The following WWOX variants were observed in gnomAD, a reference collection of about 807,000 sequenced individuals.
WWOX encodes WW domain containing oxidoreductase, also known as WW domain-containing oxidoreductase.
Under a neutral mutation model 46.2 loss-of-function variants are expected in WWOX, and 69 were observed. The ratio of observed to expected loss-of-function variants is 1.49; its 90% confidence interval spans 1.23 to 1.82. WWOX has a LOEUF of 1.82. Among genes scored for constraint, WWOX ranks in the 40% most tolerant of loss-of-function variants. WWOX has a pLI of 0.00. For synonymous variants in WWOX, 359 were observed against 202.6 expected (o/e 1.77, Z -6.56); for missense variants, 919 against 542.6 (o/e 1.69, Z -6.89).
intron 4 of WWOX, among the ~76,000 whole-genome samples, chr16:78,135,719 A>G (rs2033767826): frequency 6.6e-6 from 1 of 152,212 alleles, no homozygotes; most frequent in East Asian, 1.9e-4. Flanking sequence ...AAACAACAAA[A>G]AAAACACCTT....
Position 78,774,282 on chromosome 16 carries a change from T to A in WWOX, c.1056+341530T>A, listed in dbSNP as rs59993584. 3.0e-3 allele frequency among the ~76,000 whole-genome samples: 450 copies of A among 152,224 alleles called. 2 individuals are homozygous for A. The highest frequency in any genetic ancestry group is 9.7e-3 in the African/African-American group (403 of 41,524). ...TGGGCGTGGTAGCAGGCGCCTGTAA[T>A]CCCAGCTACTCAGGAGGCTGAAAAA... On this transcript the variant is annotated intron_variant, in intron 8 of 8. Transcript: ENST00000566780.
At chr16:78,839,259 C>T (rs2052073588) in intron 8 of WWOX, among the ~76,000 whole-genome samples, 1 of 152,134 alleles carries the variant, frequency 6.6e-6, no homozygotes, top group East Asian at 1.9e-4. Context: ...ATTTTCTCTT[C>T]CTCCCTTCCA....
intron 8 of WWOX, among the ~76,000 whole-genome samples, chr16:78,926,842 G>A (rs533021841): frequency 2.0e-5 from 3 of 152,226 alleles, no homozygotes; most frequent in African/African-American, 7.2e-5. Context: ...TGTCACCCAG[G>A]CTGGAGTACA....
intron 5 of WWOX, among the ~76,000 whole-genome samples, chr16:78,201,964 G>A (rs966345936): frequency 6.6e-5 from 10 of 152,086 alleles, no homozygotes; most frequent in African/African-American, 2.2e-4. Context: ...GCCTCCCAAA[G>A]TGTAATCCTG....
At chr16:79,019,188 A>AAAAAAAAAAAAAAAG (rs2047480961) in intron 8 of WWOX, among the ~76,000 whole-genome samples, 2 of 60,918 alleles carry the variant, frequency 3.3e-5, no homozygotes, top group African/African-American at 6.0e-5. Flanking sequence ...AAAAAAAAGA[A>AAAAAAAAAAAAAAAG]AAAAAAAAGT....
chr16:78,317,740 C>A (rs1021521647), intron 5 of WWOX, among the ~76,000 whole-genome samples: 1 of 152,154 alleles, frequency 6.6e-6, no homozygotes, highest in Non-Finnish European at 1.5e-5. Flanking sequence ...GGGCCCCCTT[C>A]ACGGTGTCCT....
intron 8 of WWOX, among the ~76,000 whole-genome samples, chr16:78,471,886 C>G (rs1197762093): frequency 6.6e-6 from 1 of 151,600 alleles, no homozygotes; most frequent in Non-Finnish European, 1.5e-5. Flanking sequence ...ATTTTTTTTT[C>G]TATTCACCAA....
intron 8 of WWOX, among the ~76,000 whole-genome samples, chr16:79,136,240 T>A (rs1458745815): frequency 6.6e-6 from 1 of 152,024 alleles, no homozygotes; most frequent in East Asian, 1.9e-4. Flanking sequence ...TCTTCTTTTT[T>A]TTTTTTTTTA....
intron 8 of WWOX, among the ~76,000 whole-genome samples, chr16:78,923,281 A>G (rs374263080): frequency 5.9e-5 from 9 of 152,144 alleles, no homozygotes; most frequent in African/African-American, 2.2e-4. Context: ...GTGCCCGGCC[A>G]TCTTTCTTTT....
chr16:79,144,446 C>G (rs1282003784), intron 8 of WWOX, among the ~76,000 whole-genome samples: 1 of 152,182 alleles, frequency 6.6e-6, no homozygotes, highest in Non-Finnish European at 1.5e-5. Context: ...CTGGAACATT[C>G]TGAAGATGAA....
At chr16:78,317,163 A>T (rs1185413878) in intron 5 of WWOX, among the ~76,000 whole-genome samples, 1 of 152,160 alleles carries the variant, frequency 6.6e-6, no homozygotes, top group East Asian at 1.9e-4. Flanking sequence ...GGCTTCTGGA[A>T]AGAAGTTGTG....
chr16:78,603,112 G>A lies in WWOX; in HGVS notation c.1056+170360G>A, dbSNP rs140512228. Among the ~76,000 whole-genome samples, 1,121 of 152,228 alleles carry A rather than the reference G, an allele frequency of 7.4e-3. 10 individuals are homozygous for A. The highest frequency in any genetic ancestry group is 0.026 in the African/African-American group (1,080 of 41,526). ...TTGTTTATTTATTTTTCCTTCTTGCGTTGCTCTTAAGCCCCCACTCTTGGG... is the reference window on the plus strand; with the variant it reads ...TTGTTTATTTATTTTTCCTTCTTGCATTGCTCTTAAGCCCCCACTCTTGGG... On this transcript the variant is annotated intron_variant, in intron 8 of 8. Transcript: ENST00000566780.
intron 8 of WWOX, among the ~76,000 whole-genome samples, chr16:78,850,311 C>A (rs2090469417): frequency 6.6e-6 from 1 of 152,092 alleles, no homozygotes; most frequent in African/African-American, 2.4e-5. Flanking sequence ...AGTTTTTTCG[C>A]CTCCATAATA....
In WWOX at chr16:78,226,938, G is replaced by A. The variant is rs78492067; in HGVS notation, c.516+62649G>A. 5.2e-3 allele frequency among the ~76,000 whole-genome samples: 790 copies of A among 152,262 alleles called. 8 individuals carry two copies. The highest frequency in any genetic ancestry group is 0.018 in the African/African-American group (753 of 41,540). On this transcript the variant is annotated intron_variant, in intron 5 of 8. Coordinates refer to ENST00000566780, the MANE Select transcript of WWOX (RefSeq NM_016373.4). ...AAGAAATTACTTTGGACACAAAGAGGTGTTTCTTTTGACACAGCAGGCATG... is the reference window on the plus strand; with the variant it reads ...AAGAAATTACTTTGGACACAAAGAGATGTTTCTTTTGACACAGCAGGCATG...
chr16:78,466,772 C>T (rs753760542), intron 8 of WWOX, among the ~76,000 whole-genome samples: 8 of 152,044 alleles, frequency 5.3e-5, no homozygotes, highest in African/African-American at 1.2e-4. Flanking sequence ...CACTTGAACC[C>T]GAGAGGCAGA....
chr16:78,591,770 G>C (rs1364275196), intron 8 of WWOX, among the ~76,000 whole-genome samples: 1 of 152,136 alleles, frequency 6.6e-6, no homozygotes, highest in Non-Finnish European at 1.5e-5. Flanking sequence ...CTGCTTCACT[G>C]GACAGGGTGG....
intron 8 of WWOX, among the ~76,000 whole-genome samples, chr16:78,936,488 C>T (rs2045740247): frequency 6.6e-6 from 1 of 152,110 alleles, no homozygotes; most frequent in Non-Finnish European, 1.5e-5. Flanking sequence ...TAAGTGCTTG[C>T]TAGCAAGCAG....
intron 8 of WWOX, among the ~76,000 whole-genome samples, chr16:78,759,941 C>G (rs944261494): frequency 1.3e-5 from 2 of 152,180 alleles, no homozygotes; most frequent in South Asian, 4.1e-4. Context: ...ACTATCCCTT[C>G]TTTTTTCTGT....
chr16:78,382,353 C>T (rs1010881166), intron 5 of WWOX, among the ~76,000 whole-genome samples: 2 of 152,196 alleles, frequency 1.3e-5, no homozygotes, highest in African/African-American at 2.4e-5. Flanking sequence ...CTTCCACATG[C>T]CGTAGAGGCT....
Sources: allele counts gnomAD v4.1 joint callset (sites outside exome capture counted in the v4.1 genomes callset), GRCh38; gene constraint gnomAD v4.1.1; transcripts MANE v1.5; gene names NCBI Gene and HGNC (gene_info 2026-07-23, HGNC 2026-07-21).